The following MYO3B variants were observed in gnomAD, a reference collection of about 807,000 sequenced individuals.
MYO3B encodes myosin-IIIb.
A neutral mutation model predicts 174.6 loss-of-function variants in MYO3B; 156 were observed. The ratio of observed to expected loss-of-function variants is 0.89; its 90% CI spans 0.78 to 1.02. MYO3B has a LOEUF of 1.02. Among genes scored for constraint, MYO3B ranks in the 50% least tolerant of loss-of-function variants. The pLI, the probability that MYO3B is intolerant of heterozygous loss-of-function variation, is 0.00. For synonymous variants in MYO3B, 563 were observed against 569.1 expected (o/e 0.99, Z 0.15); for missense variants, 1,632 against 1,639.4 (o/e 1.00, Z 0.08).
intron 9 of MYO3B, among the ~76,000 whole-genome samples, chr2:170,375,288 G>A (rs756166926): frequency 6.6e-6 from 1 of 152,054 alleles, no homozygotes; most frequent in Non-Finnish European, 1.5e-5. Context: ...AGGGTTATTG[G>A]GAGAAGAGTG....
intron 30 of MYO3B, among the ~76,000 whole-genome samples, chr2:170,537,372 C>A (rs1262608210): frequency 6.8e-6 from 1 of 147,778 alleles, no homozygotes; most frequent in Non-Finnish European, 1.5e-5. Flanking sequence ...CTGGTCTGAT[C>A]ATATCGTCTG....
At chr2:170,393,245 G>T (rs2094425312) in intron 16 of MYO3B, among the ~76,000 whole-genome samples, 1 of 151,758 alleles carries the variant, frequency 6.6e-6, no homozygotes. Flanking sequence ...CACCACACCT[G>T]ACTAATTTTT....
At chr2:170,614,259 G>T (rs1575250535) in intron 32 of MYO3B, among the ~76,000 whole-genome samples, 1 of 152,134 alleles carries the variant, frequency 6.6e-6, no homozygotes, top group East Asian at 1.9e-4. Flanking sequence ...CACCTTGTAA[G>T]GTTGCTAGAG....
intron 23 of MYO3B, among the ~76,000 whole-genome samples, chr2:170,444,339 G>A (rs945239565): frequency 6.6e-6 from 1 of 152,180 alleles, no homozygotes; most frequent in African/African-American, 2.4e-5. Context: ...TGGACCAAAT[G>A]GAATCAGGGA....
At chr2:170,577,799 A>G (rs910382012) in intron 32 of MYO3B, among the ~76,000 whole-genome samples, 1 of 152,218 alleles carries the variant, frequency 6.6e-6, no homozygotes, top group African/African-American at 2.4e-5. Flanking sequence ...AACTTCTGAA[A>G]TGTGAACCAA....
intron 24 of MYO3B, 31 bp from the exon 25 acceptor site, chr2:170,466,475 C>T (rs1274980062): frequency 1.9e-6 from 3 of 1,607,688 alleles, no homozygotes; most frequent in Non-Finnish European, 2.6e-6. Context: ...TGGTGGTAAC[C>T]TTGTTCCTTG....
At chr2:170,533,417 T>C (rs1689479348) in intron 30 of MYO3B, among the ~76,000 whole-genome samples, 1 of 90,552 alleles carries the variant, frequency 1.1e-5, no homozygotes, top group African/African-American at 5.3e-5. Context: ...TATTATCTTT[T>C]GTGGGGGTGG....
chr2:170,410,281 TG>T (rs1219429345), intron 22 of MYO3B, among the ~76,000 whole-genome samples: 1 of 152,110 alleles, frequency 6.6e-6, no homozygotes, highest in East Asian at 1.9e-4. Context: ...AGATCAAAGT[TG>T]AGGCCAGGCG....
At chr2:170,618,375 C>T (rs1254455115) in intron 32 of MYO3B, among the ~76,000 whole-genome samples, 1 of 152,150 alleles carries the variant, frequency 6.6e-6, no homozygotes, top group African/African-American at 2.4e-5. Flanking sequence ...TGAGCCAGAC[C>T]TGGATCGCTG....
intron 7 of MYO3B, among the ~76,000 whole-genome samples, chr2:170,263,496 G>A (rs1462815487): frequency 6.6e-6 from 1 of 152,192 alleles, no homozygotes; most frequent in Non-Finnish European, 1.5e-5. Flanking sequence ...AGAGGGGGAT[G>A]TGGCAGGACA....
In MYO3B at chr2:170,627,246, G is replaced by A. The variant is rs553221291; in HGVS notation, c.3734-24382G>A. ...CCCCTATTTCTTGGAGGCTTTGTTCGTTTCTTTTTATTCTTTTTTCTCTAA... is the reference window on the plus strand; with the variant it reads ...CCCCTATTTCTTGGAGGCTTTGTTCATTTCTTTTTATTCTTTTTTCTCTAA... On this transcript the variant is annotated intron_variant, in intron 32 of 34. Coordinates refer to ENST00000408978, the MANE Select transcript of MYO3B (RefSeq NM_138995.5). 1.3e-3 allele frequency among the ~76,000 whole-genome samples: 197 copies of A among 152,014 alleles called. 3 individuals are homozygous for A. In the South Asian group the frequency reaches 0.019, roughly 15 times the overall value.
At chr2:170,549,648 G>A (rs1327511565) in intron 32 of MYO3B, among the ~76,000 whole-genome samples, 1 of 152,166 alleles carries the variant, frequency 6.6e-6, no homozygotes, top group Non-Finnish European at 1.5e-5. Context: ...TCCTTAAGGT[G>A]ACCAAATATC....
At chr2:170,316,990 A>C (rs2093780380) in intron 7 of MYO3B, among the ~76,000 whole-genome samples, 1 of 152,204 alleles carries the variant, frequency 6.6e-6, no homozygotes, top group African/African-American at 2.4e-5. Flanking sequence ...TGGAAACATG[A>C]GCCTGGAGTG....
At chr2:170,412,874 G>C (rs903505781) in intron 22 of MYO3B, among the ~76,000 whole-genome samples, 1 of 152,156 alleles carries the variant, frequency 6.6e-6, no homozygotes, top group African/African-American at 2.4e-5. Flanking sequence ...CATCAGGGAG[G>C]CCTGGGGAGT....
chr2:170,570,272 T>C (rs1386933985), intron 32 of MYO3B, among the ~76,000 whole-genome samples: 2 of 152,208 alleles, frequency 1.3e-5, no homozygotes, highest in Non-Finnish European at 2.9e-5. Flanking sequence ...AAATGATGTT[T>C]AGAGGGAAAG....
At chr2:170,623,911 T>G (rs895763402) in intron 32 of MYO3B, among the ~76,000 whole-genome samples, 1 of 150,966 alleles carries the variant, frequency 6.6e-6, no homozygotes, top group Non-Finnish European at 1.5e-5. Context: ...CTGAGGCCTC[T>G]GTTCTGTTCC....
At chr2:170,274,680 G>C (rs2093450552) in intron 7 of MYO3B, among the ~76,000 whole-genome samples, 1 of 152,122 alleles carries the variant, frequency 6.6e-6, no homozygotes, top group African/African-American at 2.4e-5. Flanking sequence ...CTTGATTCTA[G>C]TGATAATTCC....
intron 6 of MYO3B, among the ~76,000 whole-genome samples, chr2:170,219,114 C>T (rs2092863156): frequency 6.6e-6 from 1 of 152,202 alleles, no homozygotes; most frequent in South Asian, 2.1e-4. Flanking sequence ...AAAATTCCTC[C>T]TTAATTGACA....
At chr2:170,431,277 G>A (rs80075357) in intron 22 of MYO3B, among the ~76,000 whole-genome samples, 10 of 152,084 alleles carry the variant, frequency 6.6e-5, no homozygotes, top group South Asian at 4.2e-4. Context: ...AATTCTCCTC[G>A]TTAAAAGAGA....
Sources: allele counts gnomAD v4.1 joint callset (sites outside exome capture counted in the v4.1 genomes callset), GRCh38; gene constraint gnomAD v4.1.1; transcripts MANE v1.5; gene names NCBI Gene and HGNC (gene_info 2026-07-23, HGNC 2026-07-21).